NRXN3: variants seen among roughly 807,000 people sequenced by gnomAD.
NRXN3 encodes the protein neurexin III.
A neutral mutation model predicts 137.6 loss-of-function variants in NRXN3; 32 were observed. The observed-to-expected ratio is 0.23, with a 90% CI of 0.18 to 0.31. The LOEUF is 0.31. Ranked by LOEUF, NRXN3 falls within the 10% of genes least tolerant of loss-of-function variation. The pLI, the probability that NRXN3 is intolerant of heterozygous loss-of-function variation, is 1.00. For synonymous variants in NRXN3, 798 were observed against 784.5 expected, an observed-to-expected ratio of 1.02 and a Z score of -0.29; for missense variants, 1,574 against 2,062.5, an observed-to-expected ratio of 0.76 and a Z score of 4.59.
intron 16 of NRXN3, among the ~76,000 whole-genome samples, chr14:79,609,183 T>A (rs1273191815): frequency 6.6e-6 from 1 of 152,174 alleles, no homozygotes; most frequent in Non-Finnish European, 1.5e-5. Context: ...GGACACTAAA[T>A]TCAAAAGAGT....
At chr14:78,431,456 C>T (rs906356099) in intron 4 of NRXN3, among the ~76,000 whole-genome samples, 1 of 152,104 alleles carries the variant, frequency 6.6e-6, no homozygotes, top group Non-Finnish European at 1.5e-5. Context: ...AGCTGAGGAT[C>T]AGGGAAGGTT....
At chr14:78,532,669 C>T (rs2096484545) in intron 4 of NRXN3, among the ~76,000 whole-genome samples, 1 of 152,050 alleles carries the variant, frequency 6.6e-6, no homozygotes, top group African/African-American at 2.4e-5. Flanking sequence ...TGTGTTCCCA[C>T]CTAGCAAATA....
intron 19 of NRXN3, among the ~76,000 whole-genome samples, chr14:79,726,595 A>G (rs1374833916): frequency 1.3e-5 from 2 of 152,126 alleles, no homozygotes; most frequent in Non-Finnish European, 2.9e-5. Context: ...TAATTGAATT[A>G]CCTGCTTCCC....
At chr14:79,715,085 C>G (rs931242023) in intron 19 of NRXN3, among the ~76,000 whole-genome samples, 3 of 152,136 alleles carry the variant, frequency 2.0e-5, no homozygotes, top group Admixed American at 2.0e-4. Flanking sequence ...TCCTGAGTAG[C>G]TGGGACTACA....
intron 10 of NRXN3, among the ~76,000 whole-genome samples, chr14:78,937,873 A>G (rs1399290141): frequency 6.6e-6 from 1 of 152,224 alleles, no homozygotes; most frequent in Non-Finnish European, 1.5e-5. Context: ...CAAGTGACCC[A>G]ATGCTGGCCT....
At chr14:79,779,621 A>G (rs572249287) in intron 19 of NRXN3, among the ~76,000 whole-genome samples, 2 of 152,214 alleles carry the variant, frequency 1.3e-5, no homozygotes, top group African/African-American at 2.4e-5. Flanking sequence ...GAGGATACTG[A>G]GTATTTCTTA....
chr14:79,359,898 A>G (rs992325924), intron 15 of NRXN3, among the ~76,000 whole-genome samples: 1 of 152,206 alleles, frequency 6.6e-6, no homozygotes, highest in African/African-American at 2.4e-5. Context: ...ATGGGAAAAG[A>G]CTTTATTTCT....
intron 1 of NRXN3, among the ~76,000 whole-genome samples, chr14:78,182,142 C>T (rs561812925): frequency 2.0e-5 from 3 of 151,936 alleles, no homozygotes; most frequent in Non-Finnish European, 2.9e-5. Flanking sequence ...AGCTAAAATT[C>T]GTTGAGCACT....
chr14:79,497,722 TTTTAGA>T (rs1226743600), intron 16 of NRXN3, among the ~76,000 whole-genome samples: 1 of 152,188 alleles, frequency 6.6e-6, no homozygotes, highest in African/African-American at 2.4e-5. Context: ...TAATATATAC[TTTTAGA>T]TTTAGTGAAT....
intron 16 of NRXN3, among the ~76,000 whole-genome samples, chr14:79,596,296 A>G (rs758823373): frequency 7.2e-5 from 11 of 152,172 alleles, no homozygotes; most frequent in Admixed American, 1.3e-4. Flanking sequence ...ATATACTAAC[A>G]TGACCTTGGG....
chr14:79,802,063 A>G (rs2099183694), intron 19 of NRXN3, among the ~76,000 whole-genome samples: 1 of 151,728 alleles, frequency 6.6e-6, no homozygotes, highest in African/African-American at 2.4e-5. Context: ...AAAAAAAATT[A>G]CATTTCTTCT....
chr14:79,692,746 A>G (rs1603432697), intron 18 of NRXN3, among the ~76,000 whole-genome samples: 1 of 152,100 alleles, frequency 6.6e-6, no homozygotes, highest in African/African-American at 2.4e-5. Context: ...AACTTAAACT[A>G]CTTAAATATT....
At chr14:79,399,095 T>C (rs889859771) in intron 15 of NRXN3, among the ~76,000 whole-genome samples, 6 of 149,696 alleles carry the variant, frequency 4.0e-5, no homozygotes, top group South Asian at 2.1e-4. Context: ...CCAGGTTCCA[T>C]AGGGCACGCC....
At chr14:79,754,758 A>G (rs1181949516) in intron 19 of NRXN3, among the ~76,000 whole-genome samples, 5 of 151,568 alleles carry the variant, frequency 3.3e-5, no homozygotes, top group Non-Finnish European at 7.4e-5. Context: ...CTGAATTGTA[A>G]TCCCTGTTTG....
At chr14:78,541,069 C>A (rs1339968440) in intron 4 of NRXN3, among the ~76,000 whole-genome samples, 4 of 150,976 alleles carry the variant, frequency 2.6e-5, no homozygotes, top group Non-Finnish European at 4.4e-5. Context: ...TTCATTTCAA[C>A]CTTGGTGAAT....
intron 15 of NRXN3, among the ~76,000 whole-genome samples, chr14:79,217,141 A>AAAAAG (rs1555869920): frequency 1.2e-4 from 18 of 149,596 alleles, no homozygotes; most frequent in African/African-American, 4.0e-4. Context: ...TGTCTCAAAA[A>AAAAAG]AAAGAAAGAA....
chr14:79,468,056 C>A (rs968110427), intron 16 of NRXN3, among the ~76,000 whole-genome samples: 16 of 152,188 alleles, frequency 1.1e-4, no homozygotes, highest in Non-Finnish European at 2.1e-4. Context: ...CCAGAGTGGG[C>A]GGGGCAAAAG....
At chr14:79,089,384 A>G (rs1354735667) in intron 15 of NRXN3, among the ~76,000 whole-genome samples, 1 of 152,134 alleles carries the variant, frequency 6.6e-6, no homozygotes, top group East Asian at 1.9e-4. Flanking sequence ...TCCATGGATG[A>G]GAAGAAATCA....
chr14:78,561,760 C>A (rs2096788436), intron 4 of NRXN3, among the ~76,000 whole-genome samples: 1 of 152,332 alleles, frequency 6.6e-6, no homozygotes, highest in South Asian at 2.1e-4. Context: ...CATACCTGGT[C>A]TCATCAGTGT....
Sources: allele counts gnomAD v4.1 joint callset (sites outside exome capture counted in the v4.1 genomes callset), GRCh38; gene constraint gnomAD v4.1.1; transcripts MANE v1.5; gene names NCBI Gene and HGNC (gene_info 2026-07-23, HGNC 2026-07-21).